Variants in UNC13C observed in about 807,000 individuals in gnomAD.
UNC13C encodes the protein protein unc-13 homolog C.
A neutral mutation model predicts 245.4 loss-of-function variants in UNC13C; 174 were observed. The ratio of observed to expected loss-of-function variants is 0.71; its 90% CI spans 0.63 to 0.80. The LOEUF is 0.80. Ranked by LOEUF, UNC13C falls within the 30% of genes least tolerant of loss-of-function variation. The pLI is 0.00. For synonymous variants in UNC13C, 992 were observed against 895.1 expected (o/e 1.11, Z -1.93); for missense variants, 2,829 against 2,602.9 (o/e 1.09, Z -1.89).
chr15:54,113,706 G>T (rs1179824581), intron 2 of UNC13C, among the ~76,000 whole-genome samples: 1 of 152,048 alleles, frequency 6.6e-6, no homozygotes, highest in African/African-American at 2.4e-5. Flanking sequence ...CAAGCCTGTT[G>T]TCCCAGTTAC....
chr15:54,144,209 C>A (rs1383636990), intron 4 of UNC13C, among the ~76,000 whole-genome samples: 1 of 152,106 alleles, frequency 6.6e-6, no homozygotes, highest in Non-Finnish European at 1.5e-5. Context: ...ATTCAAGCAG[C>A]CTCGTCTTTA....
intron 28 of UNC13C, among the ~76,000 whole-genome samples, chr15:54,552,704 T>C (rs1896860898): frequency 1.1e-5 from 1 of 88,248 alleles, no homozygotes; most frequent in African/African-American, 4.8e-5. Context: ...ATATTATATA[T>C]AATTATATTA....
At chr15:54,316,883 T>G (rs779279469) in intron 13 of UNC13C, among the ~76,000 whole-genome samples, 2 of 151,956 alleles carry the variant, frequency 1.3e-5, no homozygotes, top group Non-Finnish European at 2.9e-5. Context: ...ATGATTGCAC[T>G]TTCTGCTGTA....
At chr15:54,590,516 A>C (rs930139180) in intron 30 of UNC13C, among the ~76,000 whole-genome samples, 2 of 152,040 alleles carry the variant, frequency 1.3e-5, no homozygotes, top group African/African-American at 4.8e-5. Flanking sequence ...TTTGTTAGGT[A>C]TATTCCTAAG....
rs142402305 is a variant in UNC13C, at chr15:54,312,222, A to ATG, written c.4269-9701_4269-9700dup. Reference sequence around the variant, plus strand: ...ACATATCTATTTGTGTTTGGTGTGCATGTGTGTGTGTGTGTGTTGAAATAG... The same window carrying ATG: ...ACATATCTATTTGTGTTTGGTGTGCATGTGTGTGTGTGTGTGTGTTGAAATAG... On this transcript the variant is annotated intron_variant, in intron 13 of 32. Transcript: ENST00000260323. 6.8e-3 allele frequency among the ~76,000 whole-genome samples: 1,024 copies of ATG among 150,404 alleles called. 10 individuals carry two copies. The highest frequency in any genetic ancestry group is 0.01 in the Non-Finnish European group (680 of 67,330).
At chr15:54,494,482 T>C in intron 19 of UNC13C, 126 bp from the exon 20 acceptor site, 2 of 913,308 alleles carry the variant, frequency 2.2e-6, no homozygotes, top group Non-Finnish European at 1.5e-6. Context: ...TAGCAATTCA[T>C]TATACCTTTA....
chr15:54,512,124 C>G (rs942833874), intron 24 of UNC13C, among the ~76,000 whole-genome samples: 1 of 152,128 alleles, frequency 6.6e-6, no homozygotes, highest in Admixed American at 6.6e-5. Context: ...TATTTGTATG[C>G]TAATGACTTG....
At chr15:54,151,476 G>C (rs1339496026) in intron 4 of UNC13C, among the ~76,000 whole-genome samples, 1 of 152,034 alleles carries the variant, frequency 6.6e-6, no homozygotes, top group Admixed American at 6.6e-5. Flanking sequence ...GATCTCGGCT[G>C]ACTGCAACCT....
intron 1 of UNC13C, among the ~76,000 whole-genome samples, chr15:54,012,128 A>G (rs1895406972): frequency 6.6e-6 from 1 of 152,192 alleles, no homozygotes; most frequent in African/African-American, 2.4e-5. Context: ...AATTCAAGAA[A>G]CTAGTCATCA....
chr15:54,100,542 T>C (rs1900109698), intron 2 of UNC13C, among the ~76,000 whole-genome samples: 1 of 152,178 alleles, frequency 6.6e-6, no homozygotes, highest in African/African-American at 2.4e-5. Flanking sequence ...TGTGATTCCA[T>C]TCAGCCTTAT....
intron 22 of UNC13C, among the ~76,000 whole-genome samples, chr15:54,504,729 A>G (rs1302995536): frequency 6.6e-6 from 1 of 152,194 alleles, no homozygotes; most frequent in Non-Finnish European, 1.5e-5. Context: ...CTAATACTGC[A>G]TTGTTCCATG....
intron 13 of UNC13C, among the ~76,000 whole-genome samples, chr15:54,318,755 A>G (rs976294710): frequency 1.3e-5 from 2 of 151,756 alleles, no homozygotes; most frequent in Non-Finnish European, 2.9e-5. Context: ...AAACTTTTTA[A>G]TTTGATGTGC....
intron 2 of UNC13C, among the ~76,000 whole-genome samples, chr15:54,113,894 A>G (rs1476268892): frequency 6.6e-6 from 1 of 152,210 alleles, no homozygotes; most frequent in African/African-American, 2.4e-5. Flanking sequence ...AATAATTAAA[A>G]ATGTACCTGT....
intron 18 of UNC13C, among the ~76,000 whole-genome samples, chr15:54,412,216 CA>C (rs534753668): frequency 2.1e-4 from 32 of 150,644 alleles, no homozygotes; most frequent in Admixed American, 1.8e-3. Flanking sequence ...AAAAAAAAAA[CA>C]AAAAAAGTGC....
chr15:54,500,415 A>G (rs1410543600), intron 21 of UNC13C, among the ~76,000 whole-genome samples: 3 of 151,818 alleles, frequency 2.0e-5, no homozygotes, highest in African/African-American at 7.3e-5. Context: ...TTCTTACATT[A>G]ATCTGAATCT....
At chr15:54,191,258 TTC>T (rs1319378340) in intron 4 of UNC13C, among the ~76,000 whole-genome samples, 9 of 152,118 alleles carry the variant, frequency 5.9e-5, no homozygotes, top group Non-Finnish European at 1.3e-4. Context: ...TGTCCATGTG[TTC>T]TCTTTGTTCA....
At chr15:53,882,447 A>G in the UNC13C span, among the ~76,000 whole-genome samples, 1 of 152,030 alleles carries the variant, frequency 6.6e-6, no homozygotes, top group Non-Finnish European at 1.5e-5. Flanking sequence ...TTTCTATTTG[A>G]GTTTGTATAT....
intron 2 of UNC13C, among the ~76,000 whole-genome samples, chr15:54,127,504 A>G (rs2115837): frequency 0.38 from 58,179 of 151,656 alleles, 11,334 homozygotes; most frequent in African/African-American, 0.42. Context: ...GAGTTGAACA[A>G]TGAGAACACA....
intron 19 of UNC13C, among the ~76,000 whole-genome samples, chr15:54,466,907 G>C (rs951663836): frequency 6.6e-6 from 1 of 151,846 alleles, no homozygotes; most frequent in Non-Finnish European, 1.5e-5. Context: ...AAAATATTAT[G>C]ATAAATTGGG....
Sources: allele counts gnomAD v4.1 joint callset (sites outside exome capture counted in the v4.1 genomes callset), GRCh38; gene constraint gnomAD v4.1.1; transcripts MANE v1.5; gene names NCBI Gene and HGNC (gene_info 2026-07-23, HGNC 2026-07-21).